The following INTS6 variants were observed in gnomAD, a reference collection of about 807,000 sequenced individuals.
INTS6 encodes the protein DEAD box protein.
In INTS6, 16 loss-of-function variants were observed where a neutral mutation model predicts 104.9. The ratio of observed to expected loss-of-function variants is 0.15; its 90% confidence interval spans 0.10 to 0.23. INTS6 has a LOEUF of 0.23. INTS6 is among the 10% of genes least tolerant of loss of function. The pLI is 1.00. For missense variants in INTS6, 584 were observed against 1,062.8 expected, an observed-to-expected ratio of 0.55 and a Z score of 6.26; for synonymous variants, 324 against 358.7, an observed-to-expected ratio of 0.90 and a Z score of 1.09.
chr13:51,357,681 C>T (rs1479549262), downstream of INTS6, among the ~76,000 whole-genome samples: 1 of 152,034 alleles, frequency 6.6e-6, no homozygotes, highest in East Asian at 1.9e-4. Context: ...CCCCAGTCTC[C>T]TTGATACTAG....
At chr13:51,414,517 C>T (rs935668269) in intron 4 of INTS6, among the ~76,000 whole-genome samples, 11 of 152,272 alleles carry the variant, frequency 7.2e-5, no homozygotes, top group African/African-American at 2.4e-4. Flanking sequence ...AATGCTAAAT[C>T]TTTCCGTGAT....
chr13:51,361,762 T>C lies in INTS6; in HGVS notation c.*3990A>G. On this transcript the variant is annotated 3_prime_UTR_variant, in exon 18 of 18. Coordinates refer to ENST00000311234, the MANE Select transcript of INTS6 (RefSeq NM_012141.3). ...TACTTCATAACCAATAGTTATTTTC[T>C]TAAAAATGCACAGAAAATGCAATGG... 1 of 1,512,958 alleles carries C rather than the reference T, an allele frequency of 6.6e-7. No individual in the cohort carries two copies. Among genetic ancestry groups the C allele is most frequent in the Non-Finnish European group, 8.9e-7 (1 of 1,121,126 alleles). The allele number at this position is 1,512,958 out of a possible 1,614,324, so 93.7% of individuals were successfully genotyped here.
Position 51,451,088 on chromosome 13 carries a change from T to C in INTS6, c.276A>G (p.Leu92=), listed in dbSNP as rs770830868. The change falls in exon 3 of 18, where the codon CTA becomes CTG. Residue 92 remains leucine, a synonymous_variant. Transcript: ENST00000311234. ...AEGLTTLGQS[L]RTAFDLLNLN... Reference sequence around the variant, plus strand: ...AATTTAATAAATCAAAAGCTGTCCTTAGGGATTGGCCAAGAGTCGTAAGTC... The same window carrying C: ...AATTTAATAAATCAAAAGCTGTCCTCAGGGATTGGCCAAGAGTCGTAAGTC... The C allele has an allele frequency of 5.0e-6, 8 of 1,589,754 alleles. No individual in the cohort carries two copies. The highest frequency in any genetic ancestry group is 6.8e-6 in the Non-Finnish European group (8 of 1,169,752).
chr13:51,442,796 C>T (rs1459540951), intron 3 of INTS6: 1 of 152,232 alleles, frequency 6.6e-6, no homozygotes, highest in East Asian at 1.9e-4. Flanking sequence ...GAAACCATCC[C>T]AACCACCTCT....
chr13:51,425,462 T>G (rs1956968122), intron 4 of INTS6, among the ~76,000 whole-genome samples: 1 of 152,088 alleles, frequency 6.6e-6, no homozygotes, highest in South Asian at 2.1e-4. Flanking sequence ...TCCACAGCAA[T>G]CATAACATTG....
chr13:51,407,280 T>C (rs1392041501), intron 4 of INTS6, among the ~76,000 whole-genome samples: 3 of 152,312 alleles, frequency 2.0e-5, no homozygotes, highest in South Asian at 4.1e-4. Context: ...TATGGCTGAA[T>C]GAATACATGG....
Position 51,452,263 on chromosome 13 carries a change from G to A in INTS6, c.111+152C>T. 1.2e-6 allele frequency: 1 copy of A among 821,112 alleles called. No homozygotes were observed. Among genetic ancestry groups the A allele is most frequent in the Non-Finnish European group, 1.6e-6 (1 of 635,366 alleles). The allele number at this position is 821,112 out of a possible 1,614,324, so 50.9% of individuals were successfully genotyped here. ...GCCCCGGCCGAACCCGGCTCGCAGC[G>A]CCCGCCCGCCCGCGCGGTGGGGGAG... On this transcript the variant is annotated intron_variant, in intron 1 of 17. Coordinates refer to ENST00000311234, the MANE Select transcript of INTS6 (RefSeq NM_012141.3). This position sits in a 1 kb window ranked among gnomAD's most constrained non-coding sequence, Gnocchi z 4.2.
chr13:51,449,721 TA>T (rs1436470751), intron 3 of INTS6: 1 of 985,162 alleles, frequency 1.0e-6, no homozygotes, highest in East Asian at 1.1e-4. Context: ...CAAAGGAATA[TA>T]AAAGAGAAGG....
At chr13:51,381,008 GA>G (rs1025900225) in intron 10 of INTS6, among the ~76,000 whole-genome samples, 22 of 149,636 alleles carry the variant, frequency 1.5e-4, no homozygotes, top group Admixed American at 2.7e-4. Flanking sequence ...AAAACGTTAG[GA>G]AAAAAAAATG....
At chr13:51,432,912 T>C (rs1341350853) in intron 3 of INTS6, among the ~76,000 whole-genome samples, 1 of 152,318 alleles carries the variant, frequency 6.6e-6, no homozygotes, top group African/African-American at 2.4e-5. Flanking sequence ...CACATAACAA[T>C]AAATCTCTCT....
chr13:51,393,722 T>G (rs993437531), intron 5 of INTS6, among the ~76,000 whole-genome samples: 3 of 152,216 alleles, frequency 2.0e-5, no homozygotes, highest in Non-Finnish European at 2.9e-5. Context: ...AAGGATGACT[T>G]TGGAACTTCT....
intron 4 of INTS6, chr13:51,421,290 A>G (rs1956891847): frequency 2.0e-6 from 2 of 985,660 alleles, no homozygotes; most frequent in South Asian, 4.7e-5. Flanking sequence ...TGAGACAGTC[A>G]GTGCACTTTA....
chr13:51,450,931 T>G (rs1184110995), intron 3 of INTS6, 94 bp downstream of exon 3: 1 of 1,379,612 alleles, frequency 7.2e-7, no homozygotes, highest in Non-Finnish European at 9.4e-7. Flanking sequence ...GAATGTTTTA[T>G]ACTTGCATTT....
At chr13:51,345,022 C>T in the INTS6 span, among the ~76,000 whole-genome samples, 13 of 152,236 alleles carry the variant, frequency 8.5e-5, no homozygotes, top group African/African-American at 3.1e-4. Context: ...CAGTGTAGCA[C>T]AGCACCTGCA....
chr13:51,444,101 T>G (rs1409203398), intron 3 of INTS6: 3 of 152,700 alleles, frequency 2.0e-5, no homozygotes, highest in African/African-American at 7.2e-5. Flanking sequence ...GTTTTGTTTT[T>G]TTGAGACAGC....
At chr13:51,421,945 TC>T (rs1483737630) in intron 4 of INTS6, among the ~76,000 whole-genome samples, 2 of 152,182 alleles carry the variant, frequency 1.3e-5, no homozygotes, top group Admixed American at 6.5e-5. Context: ...ATATCATATG[TC>T]CTTAAATTTC....
chr13:51,406,432 C>A (rs895830235), intron 4 of INTS6, among the ~76,000 whole-genome samples: 9 of 148,612 alleles, frequency 6.1e-5, no homozygotes, highest in Admixed American at 6.0e-4. Context: ...TAATGGATAA[C>A]CACCTCCTCC....
intron 3 of INTS6, chr13:51,440,052 T>G (rs1224847802): frequency 6.6e-6 from 1 of 152,034 alleles, no homozygotes; most frequent in East Asian, 1.9e-4. Context: ...CAGGAGAGCA[T>G]GATGGCTAAG....
intron 4 of INTS6, among the ~76,000 whole-genome samples, chr13:51,398,768 GAA>G (rs1360871461): frequency 6.7e-6 from 1 of 149,398 alleles, no homozygotes; most frequent in Non-Finnish European, 1.5e-5. Flanking sequence ...AGCATTATTT[GAA>G]ACAGAGGAAA....
Sources: allele counts gnomAD v4.1 joint callset (sites outside exome capture counted in the v4.1 genomes callset), GRCh38; gene constraint gnomAD v4.1.1; non-coding constraint Gnocchi (gnomAD v3.1); transcripts MANE v1.5; gene names NCBI Gene and HGNC (gene_info 2026-07-23, HGNC 2026-07-21).